DSCAML1: variants seen among roughly 807,000 people sequenced by gnomAD.
DSCAML1 encodes cell adhesion molecule DSCAML1.
Under a neutral mutation model 200.5 loss-of-function variants are expected in DSCAML1, and 38 were observed. That is an observed-to-expected ratio of 0.19 (90% confidence interval 0.15 to 0.25). The LOEUF is 0.25. DSCAML1 is among the 10% of genes least tolerant of loss of function. The pLI, the probability that DSCAML1 is intolerant of heterozygous loss-of-function variation, is 1.00. For synonymous variants in DSCAML1, 1,215 were observed against 1,165.0 expected (o/e 1.04, Z -0.87); for missense variants, 2,223 against 2,858.8 (o/e 0.78, Z 5.07).
intron 8 of DSCAML1, among the ~76,000 whole-genome samples, chr11:117,512,796 CACACA>C (rs1565754075): frequency 6.7e-6 from 1 of 149,556 alleles, no homozygotes; most frequent in African/African-American, 2.5e-5. Context: ...CACACACACA[CACACA>C]CCCCTCCCCT....
At chr11:117,630,713 G>C (rs999714386) in intron 3 of DSCAML1, among the ~76,000 whole-genome samples, 1 of 149,342 alleles carries the variant, frequency 6.7e-6, no homozygotes, top group African/African-American at 2.5e-5. Context: ...AGGCAGGGCC[G>C]GTGTCTGAAA....
Position 117,461,454 on chromosome 11 carries a change from A to T in DSCAML1, c.3408T>A (p.Asp1136Glu). Residue 1136 changes from aspartate (D) to glutamate (E), a missense_variant, in exon 18 of 33, where the codon GAT becomes GAA. Physicochemically the swap from Asp to Glu is conservative, Grantham distance 45 (BLOSUM62 2). Transcript: ENST00000651296. ...YRVIFWSLYV[D>E]GEWGEMQNIT... is the part of the protein sequence containing the mutation. ...CATCAGTCCCAGCAGACTCACCCCC[A>T]TCAACATAGAGGGACCAGAAGATGA... The T allele has an allele frequency of 6.2e-7, 1 of 1,614,020 alleles. No individual in the cohort carries two copies. The highest frequency in any genetic ancestry group is 8.5e-7 in the Non-Finnish European group (1 of 1,179,980).
chr11:117,562,210 G>A (rs1444598213), intron 3 of DSCAML1, among the ~76,000 whole-genome samples: 1 of 152,188 alleles, frequency 6.6e-6, no homozygotes, highest in Admixed American at 6.5e-5. Context: ...GTCCTGCCAT[G>A]TGGAGTCTGA....
chr11:117,429,747 A>G (rs980477025), intron 32 of DSCAML1, among the ~76,000 whole-genome samples: 1 of 152,180 alleles, frequency 6.6e-6, no homozygotes, highest in Non-Finnish European at 1.5e-5. Context: ...CCCGTGCTCC[A>G]TGGGCACCCT....
At chr11:117,795,323 A>G (rs1361074360) in intron 1 of DSCAML1, among the ~76,000 whole-genome samples, 1 of 152,108 alleles carries the variant, frequency 6.6e-6, no homozygotes, top group African/African-American at 2.4e-5. Context: ...GGTTGGAGAG[A>G]GAACTATCGA....
At chr11:117,588,972 C>T (rs77138800) in intron 3 of DSCAML1, among the ~76,000 whole-genome samples, 12,181 of 152,182 alleles carry the variant, frequency 0.08, 523 homozygotes, top group Middle Eastern at 0.15. Context: ...TGAGCCTCAT[C>T]GACCCAAATA....
At chr11:117,439,490 T>C in intron 22 of DSCAML1, 61 bp from the exon 23 acceptor site, 7 of 1,559,586 alleles carry the variant, frequency 4.5e-6, no homozygotes, top group Admixed American at 3.5e-5. Context: ...CCTGAGGCCC[T>C]CCCCCCGGTG....
At chr11:117,589,125 C>G (rs997549349) in intron 3 of DSCAML1, among the ~76,000 whole-genome samples, 1 of 152,324 alleles carries the variant, frequency 6.6e-6, no homozygotes, top group Non-Finnish European at 1.5e-5. Context: ...GACTGGTGGC[C>G]TCTTCCTCCA....
chr11:117,481,399 C>A (rs946777589), intron 12 of DSCAML1, 129 bp from the exon 13 acceptor site: 5 of 834,832 alleles, frequency 6.0e-6, no homozygotes, highest in Non-Finnish European at 9.7e-6. Flanking sequence ...CCCACAGGGG[C>A]TTTGTCAAGG....
intron 23 of DSCAML1, 113 bp downstream of exon 23, chr11:117,439,153 T>C: frequency 6.9e-7 from 1 of 1,456,694 alleles, no homozygotes. Flanking sequence ...TCCAGAGGTC[T>C]GTCTCTCCCT....
chr11:117,580,227 C>A (rs555183952), intron 3 of DSCAML1, among the ~76,000 whole-genome samples: 9 of 152,340 alleles, frequency 5.9e-5, no homozygotes, highest in Admixed American at 1.3e-4. Flanking sequence ...GTGACTCATA[C>A]TTCCTGGGCT....
intron 1 of DSCAML1, among the ~76,000 whole-genome samples, chr11:117,784,945 G>A (rs1207359515): frequency 6.6e-6 from 1 of 152,132 alleles, no homozygotes; most frequent in East Asian, 1.9e-4. Context: ...GTTACTGCAG[G>A]GATGGAAGGG....
chr11:117,776,715 G>A (rs754535366), intron 3 of DSCAML1, 76 bp downstream of exon 3: 23 of 1,556,862 alleles, frequency 1.5e-5, no homozygotes, highest in Non-Finnish European at 1.9e-5. Context: ...TCAACAACCA[G>A]CTCAGGCATC....
intron 11 of DSCAML1, among the ~76,000 whole-genome samples, chr11:117,499,986 T>G (rs2049366196): frequency 6.6e-6 from 1 of 152,216 alleles, no homozygotes; most frequent in Non-Finnish European, 1.5e-5. Flanking sequence ...AAGAAAACAT[T>G]TAGCTTCCAA....
chr11:117,693,742 G>A (rs1288745977), intron 3 of DSCAML1, among the ~76,000 whole-genome samples: 1 of 152,096 alleles, frequency 6.6e-6, no homozygotes, highest in Non-Finnish European at 1.5e-5. Context: ...CTTAGGGGCT[G>A]TCCAATCTAA....
chr11:117,646,462 G>C (rs928768488), intron 3 of DSCAML1, among the ~76,000 whole-genome samples: 1 of 152,132 alleles, frequency 6.6e-6, no homozygotes, highest in African/African-American at 2.4e-5. Context: ...AGAGTCCCTC[G>C]CTTCCTTCCC....
At chr11:117,442,343 T>C (rs111843519) in intron 21 of DSCAML1, among the ~76,000 whole-genome samples, 2 of 151,902 alleles carry the variant, frequency 1.3e-5, no homozygotes, top group Non-Finnish European at 2.9e-5. Flanking sequence ...AGTGTGTATG[T>C]GTGTGCATGT....
chr11:117,676,435 T>G (rs899292030), intron 3 of DSCAML1, among the ~76,000 whole-genome samples: 2 of 152,214 alleles, frequency 1.3e-5, no homozygotes, highest in African/African-American at 2.4e-5. Flanking sequence ...GAGTGAGGTC[T>G]GGGAGATATC....
intron 30 of DSCAML1, among the ~76,000 whole-genome samples, chr11:117,432,102 A>G (rs2047812594): frequency 6.6e-6 from 1 of 152,188 alleles, no homozygotes; most frequent in African/African-American, 2.4e-5. Context: ...GAGAACACGA[A>G]TACCCAATAC....
Sources: allele counts gnomAD v4.1 joint callset (sites outside exome capture counted in the v4.1 genomes callset), GRCh38; gene constraint gnomAD v4.1.1; transcripts MANE v1.5; gene names NCBI Gene and HGNC (gene_info 2026-07-23, HGNC 2026-07-21).